TCP11L2: variants seen among roughly 807,000 people sequenced by gnomAD.
TCP11L2 encodes the protein t-complex 11 like 2.
A neutral mutation model predicts 50.7 loss-of-function variants in TCP11L2; 39 were observed. The ratio of observed to expected loss-of-function variants is 0.77; its 90% CI spans 0.60 to 1.01. The LOEUF (loss-of-function observed/expected upper bound fraction) is 1.01, where lower values mean the gene tolerates loss of function less well. Ranked by LOEUF, TCP11L2 falls within the 50% of genes least tolerant of loss-of-function variation. The pLI, the probability that TCP11L2 is intolerant of heterozygous loss-of-function variation, is 0.00. For missense variants in TCP11L2, 612 were observed against 614.7 expected (o/e 1.00, Z 0.05); for synonymous variants, 192 against 219.3 (o/e 0.88, Z 1.10).
chr12:106,330,370 A>G, intron 6 of TCP11L2: 1 of 939,470 alleles, frequency 1.1e-6, no homozygotes, highest in Non-Finnish European at 1.3e-6. Context: ...GATTTTTGCC[A>G]CTGCCCCCGC....
intron 1 of TCP11L2, among the ~76,000 whole-genome samples, chr12:106,308,344 C>G (rs1270090012): frequency 1.3e-5 from 2 of 152,178 alleles, no homozygotes; most frequent in African/African-American, 4.8e-5. Context: ...AATGATGAAC[C>G]CAGGCCACAA....
intron 1 of TCP11L2, 36 bp downstream of exon 1, chr12:106,302,977 G>A (rs2034477832): frequency 6.6e-6 from 1 of 152,386 alleles, no homozygotes; most frequent in African/African-American, 2.4e-5. Flanking sequence ...TTGCCGGCTC[G>A]GAGGTGACCG....
At chr12:106,304,606 C>G (rs1049865062) in intron 1 of TCP11L2, among the ~76,000 whole-genome samples, 2 of 152,234 alleles carry the variant, frequency 1.3e-5, no homozygotes, top group Non-Finnish European at 1.5e-5. Context: ...CTTCCCTTTA[C>G]TACACATATG....
intron 1 of TCP11L2, among the ~76,000 whole-genome samples, chr12:106,308,034 TAAGGCCCA>T (rs1342162808): frequency 7.9e-5 from 12 of 152,336 alleles, no homozygotes; most frequent in African/African-American, 2.6e-4. Context: ...TTGGATACAC[TAAGGCCCA>T]GTTGTAATGT....
At chr12:106,329,795 C>T in intron 6 of TCP11L2, 1 of 990,096 alleles carries the variant, frequency 1.0e-6, no homozygotes, top group Non-Finnish European at 1.2e-6. Context: ...CACTCGCGCT[C>T]TCTCAGTTGG....
At chr12:106,337,992 G>C (rs2035975258) in intron 8 of TCP11L2, among the ~76,000 whole-genome samples, 1 of 152,090 alleles carries the variant, frequency 6.6e-6, no homozygotes, top group Non-Finnish European at 1.5e-5. Flanking sequence ...ATTAAAAAAA[G>C]GGATAGTACT....
chr12:106,300,709 T>C (rs1010121536), upstream of TCP11L2, among the ~76,000 whole-genome samples: 3 of 152,210 alleles, frequency 2.0e-5, no homozygotes, highest in African/African-American at 7.2e-5. Flanking sequence ...AGCAAGTTAT[T>C]TAACATTAAA....
At chr12:106,340,540 A>T (rs1000941896) in intron 8 of TCP11L2, among the ~76,000 whole-genome samples, 22 of 152,350 alleles carry the variant, frequency 1.4e-4, no homozygotes, top group African/African-American at 4.8e-4. Flanking sequence ...ATAGCCCTGC[A>T]ATATAAATGG....
At chr12:106,319,177 C>T (rs2035239273) in intron 4 of TCP11L2, among the ~76,000 whole-genome samples, 1 of 152,206 alleles carries the variant, frequency 6.6e-6, no homozygotes, top group Non-Finnish European at 1.5e-5. Context: ...TCCCAGAGTG[C>T]TGGGATTACA....
intron 3 of TCP11L2, among the ~76,000 whole-genome samples, chr12:106,316,391 GA>G (rs925236496): frequency 2.3e-4 from 35 of 152,170 alleles, no homozygotes; most frequent in Middle Eastern, 3.4e-3. Context: ...CCACTCCCCT[GA>G]CCCCATCTCA....
At chr12:106,304,582 A>G (rs536337404) in intron 1 of TCP11L2, among the ~76,000 whole-genome samples, 1 of 152,356 alleles carries the variant, frequency 6.6e-6, no homozygotes, top group South Asian at 2.1e-4. Flanking sequence ...GCCCAGACTT[A>G]GTCCTCTGAC....
chr12:106,329,221 T>C (rs1275014757), intron 6 of TCP11L2: 1 of 1,370,436 alleles, frequency 7.3e-7, no homozygotes, highest in Non-Finnish European at 1.0e-6. Flanking sequence ...ACTGTGCTTA[T>C]TTACCTTTAA....
chr12:106,313,906 C>T (rs2034961930), intron 2 of TCP11L2, among the ~76,000 whole-genome samples: 1 of 151,524 alleles, frequency 6.6e-6, no homozygotes, highest in Non-Finnish European at 1.5e-5. Context: ...GCTGGGACTA[C>T]AGGTGCCCGC....
At chr12:106,312,430 C>T in intron 2 of TCP11L2, 1 of 1,210,968 alleles carries the variant, frequency 8.3e-7, no homozygotes, top group Non-Finnish European at 1.0e-6. Context: ...CAGCAGCCAC[C>T]CCAGGTTTCT....
At chr12:106,314,146 C>G (rs957211627) in intron 2 of TCP11L2, among the ~76,000 whole-genome samples, 1 of 152,068 alleles carries the variant, frequency 6.6e-6, no homozygotes, top group South Asian at 2.1e-4. Flanking sequence ...ACAATGTTAT[C>G]AAATATGGTA....
chr12:106,326,748 G>C (rs1356534964), intron 6 of TCP11L2, among the ~76,000 whole-genome samples: 1 of 152,176 alleles, frequency 6.6e-6, no homozygotes, highest in African/African-American at 2.4e-5. Context: ...GTGCAACCCT[G>C]CCTCTCTTCA....
chr12:106,303,389 T>G (rs2034499942), intron 1 of TCP11L2: 1 of 152,356 alleles, frequency 6.6e-6, no homozygotes, highest in Non-Finnish European at 1.5e-5. Flanking sequence ...TTTGTTGCCG[T>G]GGTTTCCCCG....
In TCP11L2 at chr12:106,314,411, A is replaced by G. The variant is rs1381626101; in HGVS notation, c.211A>G (p.Asn71Asp). 1.9e-6 allele frequency: 3 copies of G among 1,613,694 alleles called. No individual in the cohort carries two copies. Among genetic ancestry groups the G allele is most frequent in the South Asian group, 2.2e-5 (2 of 91,066 alleles). Residue 71 changes from asparagine to aspartate, a missense_variant, in exon 3 of 10, where the codon AAC becomes GAC. Asn to Asp is a conservative substitution (Grantham distance 23). Coordinates refer to ENST00000299045, the MANE Select transcript of TCP11L2 (RefSeq NM_152772.3). ...TFDEVMATAR[N>D]LSNLTLAHEI... ...TGATGAAGTGATGGCTACAGCAAGG[A>G]ACTTATCAAACTTGACTCTTGCTCA...
At position 106,346,620 on chromosome 12, in the gene TCP11L2, C is replaced by A; in HGVS notation, c.*90C>A. The A allele has an allele frequency of 6.7e-7, 1 of 1,501,516 alleles. No homozygotes were observed. The highest frequency in any genetic ancestry group is 1.3e-5 in the South Asian group (1 of 77,514). 93.0% of individuals were successfully genotyped at this position (1,501,516 alleles called of 1,614,324 possible). A position where few individuals can be genotyped will look rare whatever the true frequency, so the allele number is the denominator to read the frequency against. ...GATGGCATTAGAGATCCAGCACATT[C>A]TCAGTACTGTGGTGCAGTATTAGCC... On this transcript the variant is annotated 3_prime_UTR_variant, in exon 10 of 10. Coordinates refer to ENST00000299045, the MANE Select transcript of TCP11L2 (RefSeq NM_152772.3).
Sources: gnomAD v4.1 joint callset for allele counts (sites outside exome capture counted in the v4.1 genomes callset) on GRCh38, gnomAD v4.1.1 for gene constraint, MANE v1.5 for transcripts, NCBI Gene and HGNC (gene_info 2026-07-23, HGNC 2026-07-21) for gene names.